PLCL1: variants seen among roughly 807,000 people sequenced by gnomAD.
PLCL1 encodes inactive phospholipase C-like protein 1.
In PLCL1, 41 loss-of-function variants were observed where a neutral mutation model predicts 84.4. That is an observed-to-expected ratio of 0.49 (90% CI 0.38 to 0.63). The LOEUF (loss-of-function observed/expected upper bound fraction) is 0.63. PLCL1 is among the 30% of genes least tolerant of loss of function. The probability of loss-of-function intolerance (pLI) is 0.00; values close to 1 mark genes in which losing one functional copy is unlikely to be tolerated. For synonymous variants in PLCL1, 490 were observed against 488.3 expected (o/e 1.00, Z -0.05); for missense variants, 1,206 against 1,367.8 (o/e 0.88, Z 1.87).
At chr2:198,113,598 C>G (rs908539055) in intron 5 of PLCL1, among the ~76,000 whole-genome samples, 1 of 151,884 alleles carries the variant, frequency 6.6e-6, no homozygotes, top group South Asian at 2.1e-4. Context: ...AATACCAGTA[C>G]AGTGGTGAGT....
intron 5 of PLCL1, among the ~76,000 whole-genome samples, chr2:198,124,235 A>G (rs1693936762): frequency 1.3e-5 from 2 of 152,104 alleles, no homozygotes; most frequent in South Asian, 4.1e-4. Flanking sequence ...CGTGATTAGA[A>G]TTTCACTAGC....
At chr2:198,051,970 C>T (rs111500120) in intron 1 of PLCL1, among the ~76,000 whole-genome samples, 3 of 151,986 alleles carry the variant, frequency 2.0e-5, no homozygotes, top group South Asian at 2.1e-4. Context: ...AGTGCAATGG[C>T]GTGATCTTGG....
At chr2:198,106,298 T>C (rs1343331475) in intron 5 of PLCL1, among the ~76,000 whole-genome samples, 2 of 151,958 alleles carry the variant, frequency 1.3e-5, no homozygotes, top group Admixed American at 1.3e-4. Context: ...TAAGACATAT[T>C]ACAAATGTCT....
At chr2:197,956,471 T>A (rs984589398) in intron 1 of PLCL1, among the ~76,000 whole-genome samples, 27 of 152,280 alleles carry the variant, frequency 1.8e-4, no homozygotes, top group African/African-American at 6.3e-4. Context: ...GTATTTCTAG[T>A]TCTAGATCCT....
intron 1 of PLCL1, among the ~76,000 whole-genome samples, chr2:197,958,722 G>A (rs1689542352): frequency 6.6e-6 from 1 of 151,942 alleles, no homozygotes; most frequent in Non-Finnish European, 1.5e-5. Context: ...TGCCAACTAT[G>A]TATGAATATT....
chr2:198,054,356 C>T, intron 1 of PLCL1, among the ~76,000 whole-genome samples: 1 of 152,146 alleles, frequency 6.6e-6, no homozygotes, highest in East Asian at 1.9e-4. Flanking sequence ...ATACTCCATC[C>T]AACAGCAGCA....
chr2:197,924,746 C>T (rs1688801720), intron 1 of PLCL1, among the ~76,000 whole-genome samples: 2 of 151,802 alleles, frequency 1.3e-5, no homozygotes, highest in African/African-American at 4.8e-5. Flanking sequence ...CTGGGGGGGT[C>T]ATGAGTAGGA....
chr2:198,130,847 G>A (rs1694101991), intron 5 of PLCL1, among the ~76,000 whole-genome samples: 1 of 152,120 alleles, frequency 6.6e-6, no homozygotes, highest in Admixed American at 6.6e-5. Context: ...CTGAGTTAGT[G>A]AAAAGTCATT....
chr2:198,074,145 A>G (rs1692525510), intron 1 of PLCL1, among the ~76,000 whole-genome samples: 1 of 152,284 alleles, frequency 6.6e-6, no homozygotes, highest in Non-Finnish European at 1.5e-5. Context: ...GATGCATATA[A>G]CCTGGAGTTT....
At chr2:197,838,715 C>T (rs1380069280) in intron 1 of PLCL1, among the ~76,000 whole-genome samples, 2 of 152,128 alleles carry the variant, frequency 1.3e-5, no homozygotes, top group African/African-American at 4.8e-5. Flanking sequence ...AATGGAGCTC[C>T]TCGATACACT....
chr2:197,824,732 A>C (rs982744020), intron 1 of PLCL1, among the ~76,000 whole-genome samples: 2 of 151,832 alleles, frequency 1.3e-5, no homozygotes, highest in Non-Finnish European at 2.9e-5. Context: ...AAAAAAAAAA[A>C]AAACATGTCT....
At chr2:198,082,065 T>C (rs1004993005) in intron 1 of PLCL1, among the ~76,000 whole-genome samples, 3 of 152,232 alleles carry the variant, frequency 2.0e-5, no homozygotes, top group Admixed American at 2.0e-4. Flanking sequence ...CAGTACCTAC[T>C]CATAGTCCTA....
chr2:197,887,722 A>T (rs1687948080), intron 1 of PLCL1, among the ~76,000 whole-genome samples: 1 of 152,116 alleles, frequency 6.6e-6, no homozygotes, highest in South Asian at 2.1e-4. Flanking sequence ...GTAATTTCTC[A>T]TGCCTCATTC....
intron 1 of PLCL1, among the ~76,000 whole-genome samples, chr2:197,849,764 A>G (rs1687191124): frequency 6.6e-6 from 1 of 152,160 alleles, no homozygotes. Context: ...TTTAAAGAGC[A>G]ATAAAAGGAA....
At position 198,084,204 on chromosome 2, in the gene PLCL1, T is replaced by C; in HGVS notation, c.687T>C (p.Leu229=). ...TGGTTTCTCGAAGTAAGCAGCCTCT[T>C]GATTTTATGGAGGGCAACCAGAACA... is the stretch of plus-strand genomic sequence containing the variant. The part of the protein sequence containing the change: ...RYLVSRSKQP[L]DFMEGNQNTP... The change falls in exon 2 of 6, where the codon CTT becomes CTC. Residue 229 remains leucine, a synonymous_variant. Transcript: ENST00000428675. 1 of 1,614,132 alleles carries C rather than the reference T, an allele frequency of 6.2e-7. No homozygotes were observed. Among genetic ancestry groups the C allele is most frequent in the South Asian group, 1.1e-5 (1 of 91,082 alleles).
chr2:197,865,375 C>G (rs1348630201), intron 1 of PLCL1, among the ~76,000 whole-genome samples: 1 of 152,090 alleles, frequency 6.6e-6, no homozygotes, highest in Non-Finnish European at 1.5e-5. Context: ...CAAAACGGGA[C>G]TGTTTTTCAA....
chr2:197,867,980 C>T (rs1394618158), intron 1 of PLCL1, among the ~76,000 whole-genome samples: 2 of 152,166 alleles, frequency 1.3e-5, no homozygotes, highest in Non-Finnish European at 2.9e-5. Flanking sequence ...ATACTGTATA[C>T]TTTAAACATG....
chr2:198,015,230 A>G (rs1251682852), intron 1 of PLCL1, among the ~76,000 whole-genome samples: 2 of 152,072 alleles, frequency 1.3e-5, no homozygotes, highest in Non-Finnish European at 2.9e-5. Flanking sequence ...CTATCTTTCT[A>G]TCTTGTTCAT....
intron 1 of PLCL1, among the ~76,000 whole-genome samples, chr2:197,811,227 C>T (rs1690581208): frequency 5.3e-5 from 8 of 152,194 alleles, no homozygotes; most frequent in Admixed American, 5.2e-4. Context: ...GGCCAAACGG[C>T]CAACTTCTGT....
Sources: gnomAD v4.1 joint callset for allele counts (sites outside exome capture counted in the v4.1 genomes callset) on GRCh38, gnomAD v4.1.1 for gene constraint, MANE v1.5 for transcripts, NCBI Gene and HGNC (gene_info 2026-07-23, HGNC 2026-07-21) for gene names.